Variants in NRG3 observed in about 807,000 individuals in gnomAD.
NRG3 encodes neuregulin 3.
A neutral mutation model predicts 66.9 loss-of-function variants in NRG3; 31 were observed. The ratio of observed to expected loss-of-function variants is 0.46; its 90% CI spans 0.35 to 0.63. The LOEUF is 0.63. Ranked by LOEUF, NRG3 falls within the 20% of genes least tolerant of loss-of-function variation. NRG3 has a pLI of 0.00. For missense variants in NRG3, 910 were observed against 878.9 expected (o/e 1.04, Z -0.45); for synonymous variants, 393 against 359.4 (o/e 1.09, Z -1.06).
chr10:82,795,921 G>A (rs2060781916), intron 3 of NRG3, among the ~76,000 whole-genome samples: 1 of 151,852 alleles, frequency 6.6e-6, no homozygotes, highest in African/African-American at 2.4e-5. Flanking sequence ...CTGAAACAAT[G>A]GCCTCCCATA....
intron 2 of NRG3, among the ~76,000 whole-genome samples, chr10:82,423,915 G>T (rs1171066597): frequency 6.6e-6 from 1 of 151,824 alleles, no homozygotes; most frequent in Non-Finnish European, 1.5e-5. Context: ...TTTGTCCCTG[G>T]CTTCTTTAAA....
intron 2 of NRG3, among the ~76,000 whole-genome samples, chr10:82,444,306 T>G (rs945820475): frequency 6.6e-6 from 1 of 152,198 alleles, no homozygotes; most frequent in Non-Finnish European, 1.5e-5. Flanking sequence ...TTTCACCATG[T>G]TGACCAGGCT....
At chr10:82,476,186 GACAAA>G (rs1841765911) in intron 2 of NRG3, among the ~76,000 whole-genome samples, 1 of 152,048 alleles carries the variant, frequency 6.6e-6, no homozygotes, top group Non-Finnish European at 1.5e-5. Context: ...AAGCAAAACA[GACAAA>G]ACAACAAAAC....
intron 5 of NRG3, among the ~76,000 whole-genome samples, chr10:82,957,961 A>G (rs1311144143): frequency 6.6e-6 from 1 of 151,850 alleles, no homozygotes; most frequent in East Asian, 1.9e-4. Context: ...ATGCTAATAG[A>G]TGATTTCTGT....
At chr10:82,374,153 T>C (rs769213786) in intron 2 of NRG3, among the ~76,000 whole-genome samples, 1 of 152,206 alleles carries the variant, frequency 6.6e-6, no homozygotes, top group East Asian at 1.9e-4. Flanking sequence ...GAAATGTTAA[T>C]ATCAATCTTC....
chr10:82,868,172 C>T (rs1263546954), intron 4 of NRG3, among the ~76,000 whole-genome samples: 2 of 152,204 alleles, frequency 1.3e-5, no homozygotes, highest in Non-Finnish European at 2.9e-5. Flanking sequence ...GACCAGTCTC[C>T]ATCCTGTTGT....
At chr10:82,371,347 A>T (rs1365860430) in intron 2 of NRG3, among the ~76,000 whole-genome samples, 2 of 152,210 alleles carry the variant, frequency 1.3e-5, no homozygotes, top group Admixed American at 6.5e-5. Context: ...TTTTAGAAAT[A>T]TACATGCCAT....
At chr10:82,104,716 C>T (rs1046543137) in intron 1 of NRG3, among the ~76,000 whole-genome samples, 22 of 151,710 alleles carry the variant, frequency 1.5e-4, no homozygotes, top group South Asian at 6.2e-4. Context: ...ATGTGTTATA[C>T]GATTGCAATT....
At chr10:82,703,951 T>A (rs1192767055) in intron 2 of NRG3, among the ~76,000 whole-genome samples, 4 of 152,200 alleles carry the variant, frequency 2.6e-5, no homozygotes, top group Non-Finnish European at 4.4e-5. Flanking sequence ...ACCTTTTAAT[T>A]TTTTTTAACT....
At chr10:82,300,737 C>T (rs2080351140) in intron 1 of NRG3, among the ~76,000 whole-genome samples, 1 of 151,958 alleles carries the variant, frequency 6.6e-6, no homozygotes, top group African/African-American at 2.4e-5. Context: ...TCTTAGATTC[C>T]CAGTAGGTAG....
chr10:81,978,118 T>A (rs1290572838), intron 1 of NRG3, among the ~76,000 whole-genome samples: 1 of 152,174 alleles, frequency 6.6e-6, no homozygotes, highest in East Asian at 1.9e-4. Flanking sequence ...ATGCTAGAAC[T>A]TTTTCCTCTT....
At chr10:82,356,021 A>G (rs2083759183) in intron 1 of NRG3, among the ~76,000 whole-genome samples, 1 of 152,202 alleles carries the variant, frequency 6.6e-6, no homozygotes, top group Non-Finnish European at 1.5e-5. Context: ...ATGGAAATGG[A>G]AAGCCTCAGT....
At chr10:82,257,468 A>T (rs1025482079) in intron 1 of NRG3, among the ~76,000 whole-genome samples, 1 of 152,168 alleles carries the variant, frequency 6.6e-6, no homozygotes, top group Middle Eastern at 3.2e-3. Context: ...ATACAAAAAA[A>T]AAAGTTATTA....
intron 1 of NRG3, among the ~76,000 whole-genome samples, chr10:82,095,795 A>G (rs953776747): frequency 1.3e-5 from 2 of 152,202 alleles, no homozygotes; most frequent in Non-Finnish European, 2.9e-5. Flanking sequence ...AGCAGAGTGA[A>G]TCCTGCACAG....
chr10:82,400,792 CTGA>C (rs1392778275), intron 2 of NRG3, among the ~76,000 whole-genome samples: 1 of 151,882 alleles, frequency 6.6e-6, no homozygotes, highest in African/African-American at 2.4e-5. Context: ...CCAAGCTGGC[CTGA>C]AACTGCTGAG....
intron 2 of NRG3, among the ~76,000 whole-genome samples, chr10:82,391,514 C>T (rs759134501): frequency 1.5e-4 from 23 of 152,192 alleles, no homozygotes; most frequent in Admixed American, 2.0e-4. Flanking sequence ...CTAGAGCCAA[C>T]GGAACATAAG....
chr10:82,713,160 G>T (rs1266644419), intron 2 of NRG3, among the ~76,000 whole-genome samples: 1 of 145,044 alleles, frequency 6.9e-6, no homozygotes, highest in Non-Finnish European at 1.5e-5. Context: ...ATAAAAGACA[G>T]GCAAGAGGGC....
chr10:82,162,262 A>G (rs2071657422), intron 1 of NRG3, among the ~76,000 whole-genome samples: 1 of 152,138 alleles, frequency 6.6e-6, no homozygotes, highest in Non-Finnish European at 1.5e-5. Flanking sequence ...TGAATGGCTA[A>G]AATACCTCCA....
At chr10:82,914,229 TAAC>T (rs1370018069) in intron 4 of NRG3, among the ~76,000 whole-genome samples, 1 of 152,162 alleles carries the variant, frequency 6.6e-6, no homozygotes, top group African/African-American at 2.4e-5. Flanking sequence ...TCCTTTGGCC[TAAC>T]AATCAGTTAA....
Sources: allele counts gnomAD v4.1 joint callset (sites outside exome capture counted in the v4.1 genomes callset), GRCh38; gene constraint gnomAD v4.1.1; transcripts MANE v1.5; gene names NCBI Gene and HGNC (gene_info 2026-07-23, HGNC 2026-07-21).